TMEM170B: variants seen among roughly 807,000 people sequenced by gnomAD.
The protein encoded by TMEM170B is transmembrane protein 170B.
TMEM170B carries 6 observed loss-of-function variants against 13.0 expected under a neutral mutation model. The observed-to-expected ratio is 0.46, with a 90% CI of 0.25 to 0.91. The LOEUF (loss-of-function observed/expected upper bound fraction) is 0.91, where lower values mean the gene tolerates loss of function less well. Ranked by LOEUF, TMEM170B falls within the 40% of genes least tolerant of loss-of-function variation. The probability of loss-of-function intolerance (pLI) is 0.17; values close to 1 mark genes in which losing one functional copy is unlikely to be tolerated. For missense variants in TMEM170B, 138 were observed against 165.2 expected, an observed-to-expected ratio of 0.84 and a Z score of 0.90; for synonymous variants, 61 against 64.9, an observed-to-expected ratio of 0.94 and a Z score of 0.29.
intron 1 of TMEM170B, among the ~76,000 whole-genome samples, chr6:11,547,124 T>C (rs189202756): frequency 6.6e-6 from 1 of 152,362 alleles, no homozygotes; most frequent in East Asian, 1.9e-4. Context: ...ATTTAGGATA[T>C]GTATACACAT....
At chr6:11,542,865 T>A (rs1406109328) in intron 1 of TMEM170B, among the ~76,000 whole-genome samples, 1 of 152,220 alleles carries the variant, frequency 6.6e-6, no homozygotes, top group East Asian at 1.9e-4. Flanking sequence ...TGTTAGGCAC[T>A]TTACATATAT....
chr6:11,557,126 T>C (rs962221910), intron 1 of TMEM170B, among the ~76,000 whole-genome samples: 3 of 152,234 alleles, frequency 2.0e-5, no homozygotes, highest in African/African-American at 7.2e-5. Context: ...TACCCACTTG[T>C]ATGTTGCCCA....
At chr6:11,544,885 G>C (rs1025331571) in intron 1 of TMEM170B, among the ~76,000 whole-genome samples, 1 of 151,960 alleles carries the variant, frequency 6.6e-6, no homozygotes, top group Non-Finnish European at 1.5e-5. Flanking sequence ...AATCTAAAAT[G>C]AGAGTCAATA....
intron 1 of TMEM170B, among the ~76,000 whole-genome samples, chr6:11,543,828 A>T (rs1002103507): frequency 2.6e-5 from 4 of 152,158 alleles, no homozygotes; most frequent in Admixed American, 2.0e-4. Context: ...AAGAGATGTG[A>T]TGTGATTTTT....
At chr6:11,558,316 A>G (rs1450215562) in intron 1 of TMEM170B, among the ~76,000 whole-genome samples, 1 of 152,224 alleles carries the variant, frequency 6.6e-6, no homozygotes, top group Non-Finnish European at 1.5e-5. Flanking sequence ...ACTGTAATTT[A>G]CAGCCTCATC....
chr6:11,553,339 A>G (rs766607233), intron 1 of TMEM170B, among the ~76,000 whole-genome samples: 9 of 152,244 alleles, frequency 5.9e-5, no homozygotes, highest in African/African-American at 9.6e-5. Flanking sequence ...TTTTAGTTAT[A>G]TTAAATCTGA....
intron 1 of TMEM170B, among the ~76,000 whole-genome samples, chr6:11,554,454 CAGTT>C (rs1477660834): frequency 2.0e-5 from 3 of 151,746 alleles, no homozygotes; most frequent in African/African-American, 4.8e-5. Context: ...ATTAATTACT[CAGTT>C]AATCAGTTAT....
Position 11,582,097 on chromosome 6 carries a change from A to G in TMEM170B, c.*6536A>G, listed in dbSNP as rs1466723172. ...AGCCATCCAAAATTCATAGGATTCT[A>G]CCAAAAATATTAGCCCCTGACTCTA... On this transcript the variant is annotated 3_prime_UTR_variant, in exon 3 of 3. Coordinates refer to ENST00000379426, the MANE Select transcript of TMEM170B (RefSeq NM_001100829.3). 6.6e-6 allele frequency: 1 copy of G among 152,204 alleles called. No homozygotes were observed. Among genetic ancestry groups the G allele is most frequent in the East Asian group, 1.9e-4 (1 of 5,202 alleles). The allele number at this position is 152,204 out of a possible 1,614,324, so 9.4% of individuals were successfully genotyped here. A position where few individuals can be genotyped will look rare whatever the true frequency, so the allele number is the denominator to read the frequency against.
chr6:11,566,474 A>T (rs538745815), intron 2 of TMEM170B, among the ~76,000 whole-genome samples: 13 of 152,330 alleles, frequency 8.5e-5, no homozygotes, highest in African/African-American at 2.6e-4. Context: ...TGGTTTTGTT[A>T]TCAGCAGAAG....
intron 2 of TMEM170B, among the ~76,000 whole-genome samples, chr6:11,566,760 A>G (rs1271695178): frequency 6.6e-6 from 1 of 152,164 alleles, no homozygotes; most frequent in Non-Finnish European, 1.5e-5. Context: ...CTTTTCCTTC[A>G]TTCTTCCTTT....
intron 2 of TMEM170B, among the ~76,000 whole-genome samples, chr6:11,573,904 G>A (rs75263521): frequency 0.018 from 2,705 of 152,186 alleles, 64 homozygotes; most frequent in African/African-American, 0.06. Flanking sequence ...CTAAAATTTG[G>A]ATATGTGACC....
intron 1 of TMEM170B, among the ~76,000 whole-genome samples, chr6:11,559,665 C>T (rs1045288895): frequency 3.9e-5 from 6 of 152,094 alleles, no homozygotes; most frequent in Non-Finnish European, 8.8e-5. Context: ...CTATGTGGGA[C>T]ATGTCCCCAA....
chr6:11,558,510 C>T (rs541619698), intron 1 of TMEM170B, among the ~76,000 whole-genome samples: 34 of 152,238 alleles, frequency 2.2e-4, no homozygotes, highest in African/African-American at 5.5e-4. Flanking sequence ...CAAGCTACAT[C>T]GTAAACCAAT....
chr6:11,563,057 C>T (rs1009156348), intron 1 of TMEM170B, among the ~76,000 whole-genome samples: 1 of 152,130 alleles, frequency 6.6e-6, no homozygotes, highest in African/African-American at 2.4e-5. Context: ...TCGCTGTTGA[C>T]TGGGGGCAGT....
In TMEM170B at chr6:11,569,387, A is replaced by T. The variant is rs567759697; in HGVS notation, c.268+3551A>T. Among the ~76,000 whole-genome samples, 5 of 152,266 alleles carry T rather than the reference A, an allele frequency of 3.3e-5. No homozygotes were observed. The East Asian group carries it at 9.6e-4, about 29-fold the overall frequency. ...TTATCCTCCATTCCATTGCCAAAAG[A>T]TATTCTGATATATTTTCTTCTATTA... On this transcript the variant is annotated intron_variant, in intron 2 of 2. Transcript: ENST00000379426.
chr6:11,583,449 A>C lies in TMEM170B; in HGVS notation c.*7888A>C, dbSNP rs1010075504. ...ATTTATTGGATTAAAAATTTGTAAT[A>C]TACAGTATTTTAATAAAGTTTCTGT... On this transcript the variant is annotated 3_prime_UTR_variant, in exon 3 of 3. Transcript: ENST00000379426. 7 of 152,226 alleles carry C rather than the reference A, an allele frequency of 4.6e-5. No homozygotes were observed. Among genetic ancestry groups the C allele is most frequent in the African/African-American group, 9.6e-5 (4 of 41,466 alleles). The allele number at this position is 152,226 out of a possible 1,614,324, so 9.4% of individuals were successfully genotyped here.
chr6:11,538,449 C>A, intron 1 of TMEM170B, 75 bp downstream of exon 1: 2 of 1,137,022 alleles, frequency 1.8e-6, no homozygotes, highest in Non-Finnish European at 2.4e-6. Context: ...CGGGAGGGGA[C>A]ACGCTCCTCG....
Position 11,538,373 on chromosome 6 carries a change from G to C in TMEM170B, c.96G>C (p.Thr32=). ...ACGGGACGGTGCTGAGGAACCTCAC[G>C]GGTAATTGACGCGCCTGGGCTGGGG... The part of the protein sequence containing the change: ...WAHGTVLRNL[T]EMWYWIFLWA... The change falls in exon 1 of 3, where the codon ACG becomes ACC. Residue 32 remains threonine, a splice_region_variant and synonymous_variant. Coordinates refer to ENST00000379426, the MANE Select transcript of TMEM170B (RefSeq NM_001100829.3). 1 of 1,511,134 alleles carries C rather than the reference G, an allele frequency of 6.6e-7. No homozygotes were observed. Among genetic ancestry groups the C allele is most frequent in the Non-Finnish European group, 8.8e-7 (1 of 1,132,232 alleles). The allele number at this position is 1,511,134 out of a possible 1,614,324, so 93.6% of individuals were successfully genotyped here.
At position 11,578,733 on chromosome 6, in the gene TMEM170B, A is replaced by G. The variant is rs1456058497; in HGVS notation, c.*3172A>G. 1.3e-5 allele frequency: 2 copies of G among 152,198 alleles called. No homozygotes were observed. The highest frequency in any genetic ancestry group is 4.8e-5 in the African/African-American group (2 of 41,468). The allele number at this position is 152,198 out of a possible 1,614,324, so 9.4% of individuals were successfully genotyped here. On this transcript the variant is annotated 3_prime_UTR_variant, in exon 3 of 3. Transcript: ENST00000379426. ...TCTTAGTATTTGCAGCATACATTTCACTGCTCAAAAAAGTATAAGGGTTTT... is the reference window on the plus strand; with the variant it reads ...TCTTAGTATTTGCAGCATACATTTCGCTGCTCAAAAAAGTATAAGGGTTTT...
Sources: allele counts gnomAD v4.1 joint callset (sites outside exome capture counted in the v4.1 genomes callset), GRCh38; gene constraint gnomAD v4.1.1; transcripts MANE v1.5; gene names NCBI Gene and HGNC (gene_info 2026-07-23, HGNC 2026-07-21).